NPAS3: variants seen among roughly 807,000 people sequenced by gnomAD.
NPAS3 encodes neuronal PAS domain protein 3.
In NPAS3, 14 loss-of-function variants were observed where a neutral mutation model predicts 73.1. That is an observed-to-expected ratio of 0.19 (90% CI 0.13 to 0.30). The LOEUF is 0.30. NPAS3 is among the 10% of genes least tolerant of loss of function. The probability of loss-of-function intolerance (pLI) is 1.00; values close to 1 mark genes in which losing one functional copy is unlikely to be tolerated. For synonymous variants in NPAS3, 620 were observed against 541.5 expected (o/e 1.14, Z -2.01); for missense variants, 1,096 against 1,250.0 (o/e 0.88, Z 1.86).
intron 5 of NPAS3, among the ~76,000 whole-genome samples, chr14:33,668,268 C>T (rs769816019): frequency 9.2e-5 from 14 of 152,226 alleles, no homozygotes; most frequent in Non-Finnish European, 1.8e-4. Flanking sequence ...TGTTGCTGAT[C>T]TTCCACCATA....
Position 33,363,670 on chromosome 14 carries a change from AT to A in NPAS3, c.386-3510del, listed in dbSNP as rs528219430. 2.3e-4 allele frequency among the ~76,000 whole-genome samples: 35 copies of A among 152,298 alleles called. 2 individuals carry two copies. The South Asian group carries it at 7.0e-3, about 31-fold the overall frequency. On this transcript the variant is annotated intron_variant, in intron 3 of 11. Coordinates refer to ENST00000356141, the Ensembl canonical transcript of NPAS3. ...ACTTTTGTTTTAAATGTCATAAAAC[AT>A]TTTTTGGACTATTTATTAAGTTTTG...
At chr14:33,143,214 G>A (rs1050319337) in intron 2 of NPAS3, among the ~76,000 whole-genome samples, 6 of 150,258 alleles carry the variant, frequency 4.0e-5, no homozygotes, top group African/African-American at 7.3e-5. Flanking sequence ...TATCCTGGCC[G>A]GCTGCGGTGG....
intron 1 of NPAS3, among the ~76,000 whole-genome samples, chr14:32,954,193 C>T (rs995080720): frequency 6.6e-6 from 1 of 152,124 alleles, no homozygotes; most frequent in Non-Finnish European, 1.5e-5. Flanking sequence ...TGATGGAGTA[C>T]ACCAGGTTTG....
At chr14:33,209,297 A>T (rs1016483218) in intron 2 of NPAS3, among the ~76,000 whole-genome samples, 8 of 152,214 alleles carry the variant, frequency 5.3e-5, no homozygotes, top group South Asian at 4.1e-4. Flanking sequence ...TCTTGGAAGA[A>T]TTTTTTTCCT....
intron 5 of NPAS3, among the ~76,000 whole-genome samples, chr14:33,663,072 T>A (rs531178074): frequency 5.6e-4 from 85 of 152,126 alleles, no homozygotes; most frequent in African/African-American, 1.9e-3. Flanking sequence ...CTTTATTTTT[T>A]TTCTCTTGCC....
rs528262555 is a variant in NPAS3 at position 33,421,530 on chromosome 14, C to T, written c.468+54262C>T. Among the ~76,000 whole-genome samples, 3 of 147,766 alleles carry T rather than the reference C, an allele frequency of 2.0e-5. No individual in the cohort carries two copies. In the East Asian group the frequency reaches 6.0e-4, roughly 30 times the overall value. On this transcript the variant is annotated intron_variant, in intron 4 of 11. Transcript: ENST00000356141. The stretch of plus-strand genomic sequence containing the variant: ...CACAATTAAGTTCTAATCATAGAAG[C>T]ATTTCCCATATAGAAGCTTTTTTTT...
chr14:33,069,229 G>A (rs1445597983), intron 2 of NPAS3, among the ~76,000 whole-genome samples: 1 of 152,188 alleles, frequency 6.6e-6, no homozygotes, highest in Non-Finnish European at 1.5e-5. Context: ...TGTATTCCAT[G>A]TGGTGGCACT....
At chr14:33,295,963 T>C (rs1387377826) in intron 3 of NPAS3, among the ~76,000 whole-genome samples, 1 of 152,242 alleles carries the variant, frequency 6.6e-6, no homozygotes, top group African/African-American at 2.4e-5. Context: ...TATTTGATCA[T>C]GTATGCTGCA....
intron 1 of NPAS3, among the ~76,000 whole-genome samples, chr14:32,941,933 T>C (rs2036033565): frequency 6.6e-6 from 1 of 152,240 alleles, no homozygotes; most frequent in Non-Finnish European, 1.5e-5. Flanking sequence ...GTGTAAACAT[T>C]ACACATGTAA....
chr14:33,257,180 G>A (rs1042840521), intron 3 of NPAS3, among the ~76,000 whole-genome samples: 7 of 151,986 alleles, frequency 4.6e-5, no homozygotes, highest in African/African-American at 1.7e-4. Context: ...TCCTTCCATC[G>A]CCTCCCAGAA....
intron 2 of NPAS3, among the ~76,000 whole-genome samples, chr14:33,117,974 T>C (rs2043119648): frequency 1.3e-5 from 2 of 152,118 alleles, no homozygotes; most frequent in Non-Finnish European, 2.9e-5. Context: ...ATAATAGTTA[T>C]AATTATTCAC....
At chr14:33,582,382 G>T (rs1189760481) in intron 5 of NPAS3, among the ~76,000 whole-genome samples, 1 of 152,208 alleles carries the variant, frequency 6.6e-6, no homozygotes, top group Non-Finnish European at 1.5e-5. Flanking sequence ...ACGTGCCCAG[G>T]AGGCTGATTT....
At chr14:33,450,356 T>C (rs571222796) in intron 4 of NPAS3, among the ~76,000 whole-genome samples, 70 of 152,328 alleles carry the variant, frequency 4.6e-4, no homozygotes, top group Admixed American at 1.5e-3. Context: ...TCTGTATTCA[T>C]TGCAGAAGCG....
chr14:33,756,386 T>C (rs1362296283), intron 7 of NPAS3, among the ~76,000 whole-genome samples: 3 of 152,150 alleles, frequency 2.0e-5, no homozygotes, highest in African/African-American at 7.2e-5. Flanking sequence ...CTTACTAATA[T>C]GTTTTCTAAA....
intron 5 of NPAS3, among the ~76,000 whole-genome samples, chr14:33,590,490 G>A (rs2057024726): frequency 6.6e-6 from 1 of 152,090 alleles, no homozygotes; most frequent in East Asian, 1.9e-4. Context: ...GGTTGGTTGA[G>A]GCTTTCAGAG....
chr14:33,421,377 AT>A (rs2139032001), intron 4 of NPAS3, among the ~76,000 whole-genome samples: 1 of 152,090 alleles, frequency 6.6e-6, no homozygotes, highest in Admixed American at 6.6e-5. Context: ...AGTGAAAAAA[AT>A]AATTTGGTTC....
chr14:33,489,095 T>C (rs563219237), intron 4 of NPAS3, among the ~76,000 whole-genome samples: 1 of 152,006 alleles, frequency 6.6e-6, no homozygotes. Context: ...AGGGTTTTGG[T>C]TTTTTTTCTT....
intron 5 of NPAS3, among the ~76,000 whole-genome samples, chr14:33,587,646 A>G (rs539542697): frequency 6.6e-6 from 1 of 152,330 alleles, no homozygotes; most frequent in African/African-American, 2.4e-5. Context: ...TTGTGAACCT[A>G]TCACTAAGTA....
chr14:33,443,587 G>T (rs887369229), intron 4 of NPAS3, among the ~76,000 whole-genome samples: 1 of 152,192 alleles, frequency 6.6e-6, no homozygotes, highest in Non-Finnish European at 1.5e-5. Context: ...GCAGAGAGGG[G>T]ACCAGTGGGC....
Sources: allele counts gnomAD v4.1 joint callset (sites outside exome capture counted in the v4.1 genomes callset), GRCh38; gene constraint gnomAD v4.1.1; transcripts MANE v1.5; gene names NCBI Gene and HGNC (gene_info 2026-07-23, HGNC 2026-07-21).